HSD17B14: variants seen among roughly 807,000 people sequenced by gnomAD.
HSD17B14 encodes hydroxysteroid 17-beta dehydrogenase 14, also known as L-fucose dehydrogenase.
In HSD17B14, 32 loss-of-function variants were observed where a neutral mutation model predicts 32.2. The ratio of observed to expected loss-of-function variants is 0.99; its 90% CI spans 0.75 to 1.33. The LOEUF (loss-of-function observed/expected upper bound fraction) is 1.33, where lower values mean the gene tolerates loss of function less well. Among genes scored for constraint, HSD17B14 ranks in the 40% most tolerant of loss-of-function variants. The pLI is 0.00. For missense variants in HSD17B14, 370 were observed against 366.5 expected, an observed-to-expected ratio of 1.01 and a Z score of -0.08; for synonymous variants, 140 against 155.4, an observed-to-expected ratio of 0.90 and a Z score of 0.74.
chr19:48,834,141 G>A (rs965942794), intron 3 of HSD17B14, 135 bp downstream of exon 3: 5 of 692,910 alleles, frequency 7.2e-6, no homozygotes, highest in African/African-American at 5.3e-5. Flanking sequence ...GTGACACTGG[G>A]TGGAAACCTT....
At chr19:48,820,079 C>A (rs1343412571) in intron 5 of HSD17B14, among the ~76,000 whole-genome samples, 4 of 152,138 alleles carry the variant, frequency 2.6e-5, no homozygotes, top group Non-Finnish European at 5.9e-5. Flanking sequence ...ATTACTTGAG[C>A]CTGGTAGGTC....
At chr19:48,825,216 C>T (rs539979785) in intron 5 of HSD17B14, among the ~76,000 whole-genome samples, 113 of 121,160 alleles carry the variant, frequency 9.3e-4, no homozygotes, top group Non-Finnish European at 1.3e-3. Flanking sequence ...CCAGCCTGGG[C>T]GATAGAGCGA....
In HSD17B14 at chr19:48,835,853, G is replaced by A; in HGVS notation, c.89-10C>T. 6.2e-7 allele frequency: 1 copy of A among 1,613,172 alleles called. No individual in the cohort carries two copies. On this transcript the variant is annotated splice_polypyrimidine_tract_variant and intron_variant, in intron 1 of 8. Coordinates refer to ENST00000263278, the MANE Select transcript of HSD17B14 (RefSeq NM_016246.3). ...CGGGCCCCGCTGTTCACTGAGAATA[G>A]GAAGGGAACAGGTTACTCTCCGAGC...
chr19:48,825,276 G>C (rs2035225961), intron 5 of HSD17B14, among the ~76,000 whole-genome samples: 1 of 151,646 alleles, frequency 6.6e-6, no homozygotes, highest in Admixed American at 6.6e-5. Flanking sequence ...TCTGGGTGGT[G>C]GTGGGGGGCA....
chr19:48,819,255 C>T (rs887671017), intron 5 of HSD17B14, among the ~76,000 whole-genome samples: 1 of 152,154 alleles, frequency 6.6e-6, no homozygotes, highest in Non-Finnish European at 1.5e-5. Flanking sequence ...TCCCAAAGTG[C>T]TGGGATTACA....
At chr19:48,817,154 AT>A (rs1010097137) in intron 5 of HSD17B14, among the ~76,000 whole-genome samples, 6 of 138,288 alleles carry the variant, frequency 4.3e-5, no homozygotes, top group African/African-American at 1.4e-4. Flanking sequence ...GCCTGTCTTT[AT>A]TTTTTTTAAC....
chr19:48,816,823 C>CTTTCTTTCTTTCTTTCTTTCTTTCTTTCT (rs776466547), intron 5 of HSD17B14, among the ~76,000 whole-genome samples: 5 of 50,782 alleles, frequency 9.8e-5, no homozygotes, highest in African/African-American at 4.0e-4. Flanking sequence ...TTCTTTCTTT[C>CTTTCTTTCTTTCTTTCTTTCTTTCTTTCT]TTTTCTTTCT....
chr19:48,835,737 C>T, intron 2 of HSD17B14, 68 bp downstream of exon 2: 1 of 1,521,664 alleles, frequency 6.6e-7, no homozygotes, highest in Non-Finnish European at 9.1e-7. Flanking sequence ...GGAGGAGGTG[C>T]TAGGGGTCTG....
At chr19:48,815,325 C>G (rs1405744320) in intron 5 of HSD17B14, among the ~76,000 whole-genome samples, 184 bp from the exon 6 acceptor site, 1 of 152,108 alleles carries the variant, frequency 6.6e-6, no homozygotes, top group Admixed American at 6.6e-5. Flanking sequence ...CCTGGGGTCG[C>G]TGGGTCTCAG....
At chr19:48,819,702 T>C (rs1044374666) in intron 5 of HSD17B14, among the ~76,000 whole-genome samples, 1 of 152,032 alleles carries the variant, frequency 6.6e-6, no homozygotes, top group African/African-American at 2.4e-5. Flanking sequence ...CAGGTCACAC[T>C]CTCCCAGAAC....
intron 5 of HSD17B14, among the ~76,000 whole-genome samples, chr19:48,829,229 C>T (rs1028399236): frequency 6.6e-6 from 1 of 152,054 alleles, no homozygotes; most frequent in South Asian, 2.1e-4. Flanking sequence ...CGCTCTGTTG[C>T]CCAGGCTGGA....
intron 5 of HSD17B14, among the ~76,000 whole-genome samples, chr19:48,815,898 G>A (rs1329135789): frequency 1.3e-5 from 2 of 151,648 alleles, no homozygotes; most frequent in Non-Finnish European, 2.9e-5. Flanking sequence ...GTGCATTCCT[G>A]TAATCTCAGC....
At chr19:48,831,472 G>C (rs1374370570) in intron 5 of HSD17B14, among the ~76,000 whole-genome samples, 196 bp downstream of exon 5, 1 of 152,066 alleles carries the variant, frequency 6.6e-6, no homozygotes, top group East Asian at 1.9e-4. Flanking sequence ...AGAATCGCTT[G>C]AACCCAGGAG....
In HSD17B14 at chr19:48,815,104, A is replaced by C. The variant is rs1236211827; in HGVS notation, c.407T>G (p.Val136Gly). The C allele has an allele frequency of 5.6e-6, 9 of 1,613,960 alleles. No individual in the cohort carries two copies. Among genetic ancestry groups the C allele is most frequent in the South Asian group, 2.2e-5 (2 of 91,082 alleles). Residue 136 changes from valine to glycine, a missense_variant, in exon 6 of 9, where the codon GTC (valine) becomes GGC (glycine). Val to Gly is a moderately radical substitution (Grantham distance 109, BLOSUM62 -3). Transcript: ENST00000263278. ...LPYLRKSQGN[V>G]INISSLVGAI... is the part of the protein sequence containing the mutation. ...CCCCACCAGGCTGGAGATGTTGATG[A>C]CATTCCCTTGACTCTTCCGCAGGTA...
intron 5 of HSD17B14, among the ~76,000 whole-genome samples, chr19:48,816,332 C>G (rs1338351061): frequency 3.3e-5 from 5 of 152,150 alleles, no homozygotes; most frequent in Non-Finnish European, 7.4e-5. Flanking sequence ...CCAACTCTTT[C>G]AAGCCATTTC....
chr19:48,820,774 G>C (rs185469492), intron 5 of HSD17B14, among the ~76,000 whole-genome samples: 1 of 151,752 alleles, frequency 6.6e-6, no homozygotes, highest in African/African-American at 2.4e-5. Flanking sequence ...AGGCAGAGGC[G>C]GGAGGATAGC....
At chr19:48,831,582 A>T (rs2035335829) in intron 5 of HSD17B14, 86 bp downstream of exon 5, 8 of 931,130 alleles carry the variant, frequency 8.6e-6, no homozygotes, top group Non-Finnish European at 1.4e-5. Flanking sequence ...AAGAACGGAA[A>T]ACATTTTGCT....
At chr19:48,816,783 C>CTTTCTTTCTTTCTTTCTTTCTTTCTTT (rs955679675) in intron 5 of HSD17B14, among the ~76,000 whole-genome samples, 66 of 98,448 alleles carry the variant, frequency 6.7e-4, no homozygotes, top group African/African-American at 3.0e-3. Context: ...GACCCTTTTT[C>CTTTCTTTCTTTCTTTCTTTCTTTCTTT]TTTCTTTCTT....
At chr19:48,814,510 G>A (rs1460979360) in intron 6 of HSD17B14, among the ~76,000 whole-genome samples, 7 of 149,122 alleles carry the variant, frequency 4.7e-5, no homozygotes, top group Non-Finnish European at 1.0e-4. Context: ...CAATAAGAGC[G>A]AAACTCCATC....
Sources: gnomAD v4.1 joint callset for allele counts (sites outside exome capture counted in the v4.1 genomes callset) on GRCh38, gnomAD v4.1.1 for gene constraint, MANE v1.5 for transcripts, NCBI Gene and HGNC (gene_info 2026-07-23, HGNC 2026-07-21) for gene names.